FHAD1: variants seen among roughly 807,000 people sequenced by gnomAD.
The protein encoded by FHAD1 is forkhead associated phosphopeptide binding domain 1.
In FHAD1, 146 loss-of-function variants were observed where a neutral mutation model predicts 191.3. That is an observed-to-expected ratio of 0.76 (90% confidence interval 0.67 to 0.88). The LOEUF (loss-of-function observed/expected upper bound fraction) is 0.88, where lower values mean the gene tolerates loss of function less well. FHAD1 is among the 40% of genes least tolerant of loss of function. FHAD1 has a pLI of 0.00. For synonymous variants in FHAD1, 616 were observed against 672.3 expected (o/e 0.92, Z 1.29); for missense variants, 1,635 against 1,785.8 (o/e 0.92, Z 1.52).
At chr1:15,262,253 C>T (rs1039861527) in intron 2 of FHAD1, among the ~76,000 whole-genome samples, 8 of 152,160 alleles carry the variant, frequency 5.3e-5, no homozygotes, top group Non-Finnish European at 7.3e-5. Context: ...CATCCTTCTG[C>T]GCATAATAGT....
At chr1:15,245,406 A>G (rs190598896), upstream of FHAD1, among the ~76,000 whole-genome samples, 557 of 151,504 alleles carry the variant, frequency 3.7e-3, no homozygotes, top group Non-Finnish European at 5.8e-3. Context: ...TGTTTATTAG[A>G]TTTCATGGTG....
rs1309382230 is a variant in FHAD1, at chr1:15,391,219, T to C, written c.4279T>C (p.Phe1427Leu). ...TCTTTCTGTATTGAAGAGACGAGTA[T>C]TTGTAGAGATGGTGAAGAACAGGAT... Reference protein sequence around the residue: ...FKEKDRQRRVFVEMVKNRMQN... With the variant: ...FKEKDRQRRVLVEMVKNRMQN... The change falls in exon 33 of 34, where the codon TTT becomes CTT. Residue 1427 changes from phenylalanine (F) to leucine (L), a missense_variant. Coordinates refer to ENST00000688493, the MANE Select transcript of FHAD1 (RefSeq NM_001391957.1). 1.0e-5 allele frequency: 13 copies of C among 1,287,456 alleles called. No individual in the cohort carries two copies. Among genetic ancestry groups the C allele is most frequent in the African/African-American group, 3.0e-5 (2 of 65,800 alleles). The allele number at this position is 1,287,456 out of a possible 1,614,324, so 79.8% of individuals were successfully genotyped here.
At chr1:15,284,603 C>T (rs547360066) in intron 3 of FHAD1, among the ~76,000 whole-genome samples, 130 of 152,184 alleles carry the variant, frequency 8.5e-4, no homozygotes, top group African/African-American at 3.1e-3. Context: ...TCCTGTAGGA[C>T]TCTGGGCAAA....
At chr1:15,256,240 G>C (rs1466325168) in intron 2 of FHAD1, among the ~76,000 whole-genome samples, 1 of 152,210 alleles carries the variant, frequency 6.6e-6, no homozygotes, top group Non-Finnish European at 1.5e-5. Flanking sequence ...TCATGTGCAT[G>C]AGTGTGATTG....
intron 33 of FHAD1, among the ~76,000 whole-genome samples, chr1:15,392,404 C>T (rs1290576391): frequency 4.6e-5 from 7 of 152,044 alleles, no homozygotes; most frequent in Non-Finnish European, 1.0e-4. Context: ...TGGTGGCGGG[C>T]GCCTGTAGTC....
upstream of FHAD1, among the ~76,000 whole-genome samples, chr1:15,242,914 A>C (rs769280398): frequency 6.6e-6 from 1 of 152,192 alleles, no homozygotes; most frequent in South Asian, 2.1e-4. Context: ...TAATCCTTTC[A>C]ATAAAATGGA....
intron 20 of FHAD1, among the ~76,000 whole-genome samples, chr1:15,355,880 A>T (rs565772713): frequency 4.6e-5 from 3 of 65,398 alleles, no homozygotes; most frequent in African/African-American, 6.7e-5. Context: ...AATTTATTCA[A>T]AAAAAAGTGT....
intron 32 of FHAD1, chr1:15,388,406 C>G (rs1702879670): frequency 8.0e-7 from 1 of 1,255,750 alleles, no homozygotes; most frequent in South Asian, 1.3e-5. Context: ...CGCGTCCAGC[C>G]CCGTCTGTCC....
chr1:15,361,704 G>A (rs1241492855), intron 22 of FHAD1, among the ~76,000 whole-genome samples: 1 of 152,014 alleles, frequency 6.6e-6, no homozygotes, highest in Non-Finnish European at 1.5e-5. Context: ...GTCAGAGGGA[G>A]GGTGTCTGAG....
chr1:15,254,750 T>C (rs1322634912), intron 2 of FHAD1, among the ~76,000 whole-genome samples: 1 of 152,156 alleles, frequency 6.6e-6, no homozygotes, highest in Non-Finnish European at 1.5e-5. Context: ...AGAGAACAGA[T>C]GATACATGAA....
chr1:15,358,538 G>C (rs180962955), intron 21 of FHAD1, among the ~76,000 whole-genome samples: 1 of 152,204 alleles, frequency 6.6e-6, no homozygotes. Context: ...ACATTGCCAA[G>C]TGTCCCTTAA....
At position 15,327,060 on chromosome 1, in the gene FHAD1, T is replaced by G. The variant is rs919446512; in HGVS notation, c.1475T>G (p.Leu492Arg). The change falls in exon 12 of 34, where the codon CTG becomes CGG. Residue 492 changes from leucine to arginine, a missense_variant and splice_region_variant. Coordinates refer to ENST00000688493, the MANE Select transcript of FHAD1 (RefSeq NM_001391957.1). The surrounding 1 kb of genome is among the most constrained non-coding windows in gnomAD (Gnocchi z 5.1). ...ACTGTTGCCCCCTCTCTGCTGCAGC[T>G]GGAGCACTTCAGAAGTCAAGTCATC... ...KINLERAVGQ[L>R]EHFRSQVIKA... is the part of the protein sequence containing the mutation. The G allele has an allele frequency of 6.5e-7, 1 of 1,549,796 alleles. No individual in the cohort carries two copies. Among genetic ancestry groups the G allele is most frequent in the African/African-American group, 1.4e-5 (1 of 72,894 alleles).
chr1:15,378,832 G>GTC (rs1349260243), intron 28 of FHAD1, among the ~76,000 whole-genome samples: 2 of 152,128 alleles, frequency 1.3e-5, no homozygotes, highest in East Asian at 3.9e-4. Flanking sequence ...TGCTCTTGGT[G>GTC]TTCGTGGCGA....
chr1:15,272,404 C>T lies in FHAD1; in HGVS notation c.175C>T (p.Arg59Cys), dbSNP rs1175337726. 16 of 1,551,594 alleles carry T rather than the reference C, an allele frequency of 1.0e-5. No individual in the cohort carries two copies. Among genetic ancestry groups the T allele is most frequent in the Admixed American group, 3.9e-5 (2 of 50,990 alleles). ...CSFVLQDFNSRNGTFVNECHI... is the reference protein window; with the variant it reads ...CSFVLQDFNSCNGTFVNECHI... ...CTTTGTTCTCCAGGACTTCAATTCC[C>T]GCAACGGCACGTTTGTCAACGAGTG... Residue 59 changes from arginine (R) to cysteine (C), a missense_variant, in exon 3 of 34, where the codon CGC becomes TGC. Coordinates refer to ENST00000688493, the MANE Select transcript of FHAD1 (RefSeq NM_001391957.1).
intron 14 of FHAD1, among the ~76,000 whole-genome samples, chr1:15,331,378 G>A (rs1043671985): frequency 2.0e-5 from 3 of 151,470 alleles, no homozygotes; most frequent in Admixed American, 6.6e-5. Flanking sequence ...ATGGACGGAC[G>A]GATGGAAGAA....
At chr1:15,386,314 C>T (rs1050568736) in intron 31 of FHAD1, among the ~76,000 whole-genome samples, 2 of 152,220 alleles carry the variant, frequency 1.3e-5, no homozygotes, top group Admixed American at 6.5e-5. Context: ...TGCCCGCTGG[C>T]GAGTCCTGCA....
intron 10 of FHAD1, among the ~76,000 whole-genome samples, chr1:15,321,882 C>T (rs750869559): frequency 6.6e-6 from 1 of 152,234 alleles, no homozygotes; most frequent in Non-Finnish European, 1.5e-5. Flanking sequence ...ATTCATGAAA[C>T]ATATTTTGAC....
intron 3 of FHAD1, among the ~76,000 whole-genome samples, chr1:15,288,469 TCAGA>T (rs1663299541): frequency 6.6e-6 from 1 of 152,198 alleles, no homozygotes; most frequent in African/African-American, 2.4e-5. Context: ...CAAAGGCTAA[TCAGA>T]CAGTCAGTGT....
At chr1:15,378,463 C>G (rs1174827814) in intron 28 of FHAD1, among the ~76,000 whole-genome samples, 1 of 152,178 alleles carries the variant, frequency 6.6e-6, no homozygotes, top group Non-Finnish European at 1.5e-5. Flanking sequence ...GAACCTGCAG[C>G]CTGGACTCTT....
Sources: gnomAD v4.1 joint callset for allele counts (sites outside exome capture counted in the v4.1 genomes callset) on GRCh38, gnomAD v4.1.1 for gene constraint, Gnocchi (gnomAD v3.1) non-coding constraint, MANE v1.5 for transcripts, NCBI Gene and HGNC (gene_info 2026-07-23, HGNC 2026-07-21) for gene names.